The following CUL5 variants were observed in gnomAD, a reference collection of about 807,000 sequenced individuals.
CUL5 encodes the protein cullin-5.
Under a neutral mutation model 108.8 loss-of-function variants are expected in CUL5, and 26 were observed. The observed-to-expected ratio is 0.24, with a 90% confidence interval of 0.18 to 0.33. CUL5 has a LOEUF of 0.33. CUL5 is among the 10% of genes least tolerant of loss of function. The pLI is 1.00. For synonymous variants in CUL5, 334 were observed against 298.0 expected (o/e 1.12, Z -1.25); for missense variants, 524 against 909.2 (o/e 0.58, Z 5.45).
rs113849432 is a variant in CUL5 at position 108,042,425 on chromosome 11, T to A, written c.135-3845T>A. 9.9e-3 allele frequency among the ~76,000 whole-genome samples: 1,513 copies of A among 152,202 alleles called. 25 individuals are homozygous for A. Among genetic ancestry groups the A allele is most frequent in the African/African-American group, 0.034 (1,432 of 41,528 alleles). On this transcript the variant is annotated intron_variant, in intron 2 of 18. Coordinates refer to ENST00000393094, the MANE Select transcript of CUL5 (RefSeq NM_003478.6). ...TTAGTAGAGACGGGGTTTCACCATG[T>A]TGTCTAGGCTGGTCCTGAACACCTG...
chr11:108,060,496 G>A (rs980988862), intron 7 of CUL5, among the ~76,000 whole-genome samples: 1 of 151,332 alleles, frequency 6.6e-6, no homozygotes, highest in African/African-American at 2.4e-5. Context: ...TTTTTTAAAC[G>A]AAATTTGAGC....
intron 1 of CUL5, among the ~76,000 whole-genome samples, chr11:108,020,486 TA>T (rs537097499): frequency 2.7e-3 from 413 of 152,054 alleles, no homozygotes; most frequent in Middle Eastern, 6.8e-3. Context: ...GTTTATAGAA[TA>T]AGGATATAAA....
At chr11:108,100,078 A>T (rs943455088) in intron 18 of CUL5, among the ~76,000 whole-genome samples, 3 of 143,714 alleles carry the variant, frequency 2.1e-5, no homozygotes, top group African/African-American at 7.3e-5. Flanking sequence ...AAATTCAACT[A>T]GGAATATTTT....
chr11:108,041,568 G>T (rs1336759560), intron 2 of CUL5, among the ~76,000 whole-genome samples: 1 of 151,126 alleles, frequency 6.6e-6, no homozygotes, highest in Non-Finnish European at 1.5e-5. Flanking sequence ...GAGCCACCAT[G>T]CCCACACCCG....
intron 2 of CUL5, among the ~76,000 whole-genome samples, chr11:108,041,240 C>A (rs1862900046): frequency 6.6e-6 from 1 of 151,836 alleles, no homozygotes; most frequent in Non-Finnish European, 1.5e-5. Flanking sequence ...CTTAGTAAAT[C>A]TCTTATATTA....
At chr11:108,057,077 A>G (rs778580155) in intron 7 of CUL5, among the ~76,000 whole-genome samples, 7 of 152,164 alleles carry the variant, frequency 4.6e-5, no homozygotes, top group African/African-American at 7.2e-5. Flanking sequence ...TCCTACTGCA[A>G]TTTGTATGTT....
At position 108,050,084 on chromosome 11, in the gene CUL5, C is replaced by T. The variant is rs746069302; in HGVS notation, c.411+18C>T. 13 of 1,553,760 alleles carry T rather than the reference C, an allele frequency of 8.4e-6. No individual in the cohort carries two copies. In the East Asian group the frequency reaches 1.8e-4, roughly 22 times the overall value. On this transcript the variant is annotated intron_variant, in intron 4 of 18. Transcript: ENST00000393094. ...TTCGAAAGGTAAGACTATTTTTCTC[C>T]TTGTTTTCCTAATATTCTTCAGAAA...
At position 108,105,360 on chromosome 11, in the gene CUL5, T is replaced by C. The variant is rs1032966545; in HGVS notation, c.*976T>C. On this transcript the variant is annotated 3_prime_UTR_variant, in exon 19 of 19. Transcript: ENST00000393094. The stretch of plus-strand genomic sequence containing the variant: ...GTAACTGATCTCTTAATCTGTAGCA[T>C]AGAAGTATTTTGGTATTTTAAGGTC... The C allele has an allele frequency of 3.9e-5, 6 of 152,486 alleles. No individual in the cohort carries two copies. The highest frequency in any genetic ancestry group is 1.9e-4 in the East Asian group (1 of 5,204). 9.4% of individuals were successfully genotyped at this position (152,486 alleles called of 1,614,324 possible).
intron 1 of CUL5, among the ~76,000 whole-genome samples, 194 bp downstream of exon 1, chr11:108,009,566 G>C (rs73555364): frequency 6.6e-6 from 1 of 151,874 alleles, no homozygotes; most frequent in African/African-American, 2.4e-5. Context: ...TCTGGTGGTC[G>C]CTCCCGCCGA....
intron 12 of CUL5, 60 bp from the exon 13 acceptor site, chr11:108,089,432 C>G: frequency 7.6e-7 from 1 of 1,323,598 alleles, no homozygotes; most frequent in African/African-American, 1.5e-5. Context: ...ATAGAAAGGT[C>G]TAAATTCGAG....
At chr11:108,104,073 T>C (rs2135257418) in intron 18 of CUL5, 117 bp from the exon 19 acceptor site, 1 of 612,806 alleles carries the variant, frequency 1.6e-6, no homozygotes. Context: ...GTGATTATTA[T>C]TCATTTGGGT....
intron 7 of CUL5, among the ~76,000 whole-genome samples, chr11:108,057,987 G>A (rs558902130): frequency 6.6e-6 from 1 of 152,144 alleles, no homozygotes; most frequent in South Asian, 2.1e-4. Flanking sequence ...AAGGCAGGCA[G>A]ATCATGTGGT....
At position 108,079,819 on chromosome 11, in the gene CUL5, G is replaced by C. The variant is rs370517276; in HGVS notation, c.1178+1579G>C. On this transcript the variant is annotated intron_variant, in intron 11 of 18. Transcript: ENST00000393094. ...ATATAGATTAGTTTTGCCTAATCTA[G>C]GACTTTGTATAAATAGGATCATACA... Among the ~76,000 whole-genome samples, 13 of 152,204 alleles carry C rather than the reference G, an allele frequency of 8.5e-5. No individual in the cohort carries two copies. The East Asian group carries it at 1.5e-3, about 18-fold the overall frequency.
At chr11:108,103,891 G>A (rs1210618260) in intron 18 of CUL5, among the ~76,000 whole-genome samples, 4 of 152,016 alleles carry the variant, frequency 2.6e-5, no homozygotes, top group Non-Finnish European at 4.4e-5. Context: ...CACGTGTCAT[G>A]GTCATTTGCT....
intron 11 of CUL5, 89 bp from the exon 12 acceptor site, chr11:108,088,438 G>A: frequency 1.5e-6 from 2 of 1,356,234 alleles, no homozygotes; most frequent in East Asian, 2.3e-5. Flanking sequence ...TTTAACATGA[G>A]AAATTCGCTT....
chr11:108,012,156 G>A (rs920210052), intron 1 of CUL5, among the ~76,000 whole-genome samples: 9 of 152,108 alleles, frequency 5.9e-5, no homozygotes, highest in Non-Finnish European at 8.8e-5. Context: ...ACATTTGTAG[G>A]GATCTGATAT....
intron 18 of CUL5, among the ~76,000 whole-genome samples, chr11:108,103,417 A>G (rs571104857): frequency 2.3e-4 from 35 of 152,016 alleles, no homozygotes; most frequent in African/African-American, 7.7e-4. Flanking sequence ...AAGAAGGGGA[A>G]AAAAAAAACC....
Position 108,012,299 on chromosome 11 carries a change from A to G in CUL5, c.24+2927A>G, listed in dbSNP as rs150521053. Among the ~76,000 whole-genome samples, 741 of 152,144 alleles carry G rather than the reference A, an allele frequency of 4.9e-3. 4 individuals are homozygous for G. Among genetic ancestry groups the G allele is most frequent in the Middle Eastern group, 0.01 (3 of 294 alleles). Reference sequence around the variant, plus strand: ...GTTTATTGTTCCACCCCAAACAGCAATTGTTTAAACCTTTTCTTGCTGAGC... The same window carrying G: ...GTTTATTGTTCCACCCCAAACAGCAGTTGTTTAAACCTTTTCTTGCTGAGC... On this transcript the variant is annotated intron_variant, in intron 1 of 18. Coordinates refer to ENST00000393094, the MANE Select transcript of CUL5 (RefSeq NM_003478.6).
At chr11:108,078,415 A>G (rs908194684) in intron 11 of CUL5, among the ~76,000 whole-genome samples, 175 bp downstream of exon 11, 3 of 151,990 alleles carry the variant, frequency 2.0e-5, no homozygotes, top group Non-Finnish European at 2.9e-5. Context: ...TTATTTTACA[A>G]TACAAAAATT....
Sources: allele counts gnomAD v4.1 joint callset (sites outside exome capture counted in the v4.1 genomes callset), GRCh38; gene constraint gnomAD v4.1.1; transcripts MANE v1.5; gene names NCBI Gene and HGNC (gene_info 2026-07-23, HGNC 2026-07-21).